The following POU3F3 variants were observed in gnomAD, a reference collection of about 807,000 sequenced individuals.
The protein encoded by POU3F3 is POU domain, class 3, transcription factor 3.
POU3F3 carries 1 observed loss-of-function variant against 8.6 expected under a neutral mutation model. The ratio of observed to expected loss-of-function variants is 0.12; its 90% confidence interval spans 0.04 to 0.55. The LOEUF is 0.55. POU3F3 is among the 20% of genes least tolerant of loss of function. The pLI, the probability that POU3F3 is intolerant of heterozygous loss-of-function variation, is 0.91. For synonymous variants in POU3F3, 418 were observed against 327.4 expected (o/e 1.28, Z -2.99); for missense variants, 577 against 690.7 (o/e 0.84, Z 1.84).
upstream of POU3F3, chr2:104,853,384 A>AG (rs1676477051): frequency 6.6e-6 from 1 of 152,304 alleles, no homozygotes. Flanking sequence ...ACTTAAACAA[A>AG]GGGGGCTGCC....
chr2:104,858,367 C>G lies in POU3F3; in HGVS notation c.*1354C>G, dbSNP rs563689881. On this transcript the variant is annotated 3_prime_UTR_variant, in exon 1 of 1. Coordinates refer to ENST00000361360, the MANE Select transcript of POU3F3 (RefSeq NM_006236.3). ...TTCTTTTAATATTTTATTCAGAATACTTATGAACTGCTGCAAAACGGTAAT... is the reference window on the plus strand; with the variant it reads ...TTCTTTTAATATTTTATTCAGAATAGTTATGAACTGCTGCAAAACGGTAAT... 8 of 152,274 alleles carry G rather than the reference C, an allele frequency of 5.3e-5. No individual in the cohort carries two copies. In the East Asian group the frequency reaches 1.5e-3, roughly 29 times the overall value. The allele number at this position is 152,274 out of a possible 1,614,324, so 9.4% of individuals were successfully genotyped here.
At position 104,855,429 on chromosome 2, in the gene POU3F3, GGCGGCGGCGGCGGCGGCCGCGGCTGCT is replaced by G; in HGVS notation, c.-79_-53del. 1 of 687,504 alleles carries G rather than the reference GGCGGCGGCGGCGGCGGCCGCGGCTGCT, an allele frequency of 1.5e-6. No individual in the cohort carries two copies. Among genetic ancestry groups the G allele is most frequent in the Non-Finnish European group, 1.8e-6 (1 of 564,770 alleles). The allele number at this position is 687,504 out of a possible 1,614,324, so 42.6% of individuals were successfully genotyped here. A position where few individuals can be genotyped will look rare whatever the true frequency, so the allele number is the denominator to read the frequency against. ...GGCGGGAGGCGGGGGGCGCGGCGGCGGCGGCGGCGGCGGCGGCCGCGGCTGCTGCTGCGGCGGCGGCGGCGGTGGTGG... is the reference window on the plus strand; with the variant it reads ...GGCGGGAGGCGGGGGGCGCGGCGGCGGCTGCGGCGGCGGCGGCGGTGGTGG... On this transcript the variant is annotated 5_prime_UTR_variant, in exon 1 of 1. Coordinates refer to ENST00000361360, the MANE Select transcript of POU3F3 (RefSeq NM_006236.3).
At chr2:104,905,871 A>G in the POU3F3 span, among the ~76,000 whole-genome samples, 1 of 152,210 alleles carries the variant, frequency 6.6e-6, no homozygotes, top group African/African-American at 2.4e-5. Flanking sequence ...TCCTGTTTCC[A>G]AATATGGTCA....
the POU3F3 span, among the ~76,000 whole-genome samples, chr2:104,914,379 G>A: frequency 5.9e-5 from 9 of 152,156 alleles, no homozygotes; most frequent in African/African-American, 2.2e-4. Flanking sequence ...CTCCTCTGAT[G>A]GGTTGATTTA....
the POU3F3 span, among the ~76,000 whole-genome samples, chr2:104,912,707 C>T: frequency 3.3e-5 from 5 of 152,224 alleles, no homozygotes; most frequent in African/African-American, 9.6e-5. Context: ...ACAGGTTGAG[C>T]GTCCATGTGT....
the POU3F3 span, among the ~76,000 whole-genome samples, chr2:104,906,540 A>G: frequency 2.0e-5 from 3 of 152,142 alleles, no homozygotes; most frequent in East Asian, 5.8e-4. Flanking sequence ...TTCCAGATAA[A>G]CCTTGGTGTC....
the POU3F3 span, among the ~76,000 whole-genome samples, chr2:104,869,530 G>T: frequency 6.6e-6 from 1 of 152,204 alleles, no homozygotes; most frequent in Non-Finnish European, 1.5e-5. Context: ...GAGACAAATA[G>T]CTTCTGGTAT....
At chr2:104,893,883 CAAAAA>C in the POU3F3 span, among the ~76,000 whole-genome samples, 1 of 87,798 alleles carries the variant, frequency 1.1e-5, no homozygotes. Context: ...AACTCTGTCT[CAAAAA>C]AAAAAAAAAA....
the POU3F3 span, among the ~76,000 whole-genome samples, chr2:104,915,790 C>G: frequency 2.6e-5 from 4 of 151,946 alleles, no homozygotes; most frequent in African/African-American, 9.7e-5. Context: ...GAGAATGATA[C>G]TTGAAGCACT....
chr2:104,899,459 T>A, the POU3F3 span, among the ~76,000 whole-genome samples: 1 of 152,232 alleles, frequency 6.6e-6, no homozygotes, highest in Non-Finnish European at 1.5e-5. Context: ...GCTCTCTCTA[T>A]AGAATTTATC....
the POU3F3 span, among the ~76,000 whole-genome samples, chr2:104,875,196 C>A: frequency 6.6e-6 from 1 of 152,188 alleles, no homozygotes; most frequent in East Asian, 1.9e-4. Flanking sequence ...AATAAGACCC[C>A]ATTGTGTGTA....
At chr2:104,912,700 G>C in the POU3F3 span, among the ~76,000 whole-genome samples, 1 of 150,940 alleles carries the variant, frequency 6.6e-6, no homozygotes, top group Non-Finnish European at 1.5e-5. Flanking sequence ...CAACACGACA[G>C]GTTGAGCGTC....
At chr2:104,860,752 CTTTTTTTTTTTTTTTTT>C (rs1178339577), downstream of POU3F3, among the ~76,000 whole-genome samples, 1 of 50,242 alleles carries the variant, frequency 2.0e-5, no homozygotes, top group Non-Finnish European at 3.4e-5. Flanking sequence ...GTTGCTCTGC[CTTTTTTTTTTTTTTTTT>C]TTTTTTTTTT....
the POU3F3 span, among the ~76,000 whole-genome samples, chr2:104,918,500 G>A: frequency 4.6e-5 from 7 of 152,156 alleles, no homozygotes; most frequent in African/African-American, 1.4e-4. Flanking sequence ...CTAATGCAAG[G>A]TGACTGGTGT....
rs1676567965 is a variant in POU3F3 at position 104,856,323 on chromosome 2, C to T, written c.813C>T (p.His271=). 6.6e-7 allele frequency: 1 copy of T among 1,505,332 alleles called. No homozygotes were observed. The allele number at this position is 1,505,332 out of a possible 1,614,324, so 93.2% of individuals were successfully genotyped here. A position where few individuals can be genotyped will look rare whatever the true frequency, so the allele number is the denominator to read the frequency against. The change falls in exon 1 of 1, where the codon CAC becomes CAT. Residue 271 remains histidine (H), a synonymous_variant. Transcript: ENST00000361360. ...ACACGCCAGAGCTGGCCGAGCACCA[C>T]CACCACCACCACCACCACGCGCATC... The part of the protein sequence containing the change: ...RGDTPELAEH[H]HHHHHHAHPH...
chr2:104,913,038 T>C, the POU3F3 span, among the ~76,000 whole-genome samples: 3 of 152,176 alleles, frequency 2.0e-5, no homozygotes, highest in African/African-American at 7.2e-5. Flanking sequence ...AAGAAAAACA[T>C]GTAGTGGGCT....
chr2:104,901,973 C>T, the POU3F3 span, among the ~76,000 whole-genome samples: 2 of 152,174 alleles, frequency 1.3e-5, no homozygotes, highest in Non-Finnish European at 2.9e-5. Flanking sequence ...TTAGACTCAG[C>T]AGCAACATTT....
At chr2:104,894,466 T>G in the POU3F3 span, among the ~76,000 whole-genome samples, 102,899 of 152,010 alleles carry the variant, frequency 0.68, 35,268 homozygotes, top group East Asian at 0.87. Flanking sequence ...AGCCCCATGG[T>G]TGATGGATCT....
chr2:104,865,280 T>C, the POU3F3 span: 1 of 152,192 alleles, frequency 6.6e-6, no homozygotes, highest in African/African-American at 2.4e-5. Context: ...TGGAATCAAG[T>C]GTGAATCATC....
Sources: gnomAD v4.1 joint callset for allele counts (sites outside exome capture counted in the v4.1 genomes callset) on GRCh38, gnomAD v4.1.1 for gene constraint, MANE v1.5 for transcripts, NCBI Gene and HGNC (gene_info 2026-07-23, HGNC 2026-07-21) for gene names.